DNAJC9: variants seen among roughly 807,000 people sequenced by gnomAD.
DNAJC9 encodes the protein dnaJ homolog subfamily C member 9.
DNAJC9 carries 18 observed loss-of-function variants against 32.4 expected under a neutral mutation model. The ratio of observed to expected loss-of-function variants is 0.56; its 90% confidence interval spans 0.38 to 0.82. The LOEUF (loss-of-function observed/expected upper bound fraction) is 0.82, where lower values mean the gene tolerates loss of function less well. DNAJC9 is among the 40% of genes least tolerant of loss of function. DNAJC9 has a pLI of 0.00. For missense variants in DNAJC9, 310 were observed against 321.8 expected, an observed-to-expected ratio of 0.96 and a Z score of 0.28; for synonymous variants, 113 against 122.1, an observed-to-expected ratio of 0.93 and a Z score of 0.49.
chr10:73,246,230 G>T (rs959173003), intron 2 of DNAJC9, 54 bp from the exon 3 acceptor site: 1 of 1,563,246 alleles, frequency 6.4e-7, no homozygotes, highest in Non-Finnish European at 8.6e-7. Flanking sequence ...TAAATAAAAC[G>T]TACGTTAGTA....
chr10:73,235,613 T>TAATAAGCAGA (rs1182302354), downstream of DNAJC9: 4 of 389,712 alleles, frequency 1.0e-5, no homozygotes, highest in East Asian at 3.0e-4. Flanking sequence ...TAAGCATAAC[T>TAATAAGCAGA]TTATTATGTA....
downstream of DNAJC9, chr10:73,241,840 A>C (rs987416880): frequency 5.9e-5 from 9 of 152,240 alleles, no homozygotes; most frequent in African/African-American, 2.2e-4. Flanking sequence ...TAAAAGTTTA[A>C]GAAACCCTGG....
downstream of DNAJC9, among the ~76,000 whole-genome samples, chr10:73,239,692 A>T (rs1295029289): frequency 1.4e-4 from 21 of 151,756 alleles, no homozygotes; most frequent in Non-Finnish European, 1.5e-5. Context: ...AACCCAAATT[A>T]GTCCTTGTTG....
At chr10:73,240,514 C>CAT (rs2043919714), downstream of DNAJC9, among the ~76,000 whole-genome samples, 1 of 152,112 alleles carries the variant, frequency 6.6e-6, no homozygotes, top group Non-Finnish European at 1.5e-5. Flanking sequence ...ATATTGAGAC[C>CAT]ATCCTGGCTA....
chr10:73,245,221 GTC>G (rs1225248060), intron 3 of DNAJC9, among the ~76,000 whole-genome samples: 1 of 152,040 alleles, frequency 6.6e-6, no homozygotes, highest in Admixed American at 6.6e-5. Flanking sequence ...CTCTGCCAGC[GTC>G]TCTTATGTAA....
chr10:73,239,082 A>G, downstream of DNAJC9: 1 of 452,388 alleles, frequency 2.2e-6, no homozygotes, highest in Non-Finnish European at 4.0e-6. Context: ...TTAACGGCAT[A>G]GTAATAATAT....
intron 2 of DNAJC9, 38 bp downstream of exon 2, chr10:73,246,650 A>G (rs200588545): frequency 1.5e-4 from 247 of 1,609,232 alleles, no homozygotes; most frequent in Non-Finnish European, 2.0e-4. Context: ...TGATTGAATG[A>G]TGGTAACAGT....
At chr10:73,240,562 A>G (rs1047188671), downstream of DNAJC9, among the ~76,000 whole-genome samples, 2 of 152,084 alleles carry the variant, frequency 1.3e-5, no homozygotes, top group African/African-American at 2.4e-5. Flanking sequence ...AATACAAAAA[A>G]TTAGCCGGGT....
At position 73,247,103 on chromosome 10, in the gene DNAJC9, G is replaced by A; in HGVS notation, c.87C>T (p.Gly29=). 1.9e-6 allele frequency: 3 copies of A among 1,594,686 alleles called. No individual in the cohort carries two copies. Among genetic ancestry groups the A allele is most frequent in the Non-Finnish European group, 2.6e-6 (3 of 1,171,506 alleles). The change falls in exon 1 of 5, where the codon GGC becomes GGT. Residue 29 remains glycine, a synonymous_variant. Coordinates refer to ENST00000372950, the MANE Select transcript of DNAJC9 (RefSeq NM_015190.5). The part of the protein sequence containing the change: ...VLGVRREASD[G]EVRRGYHKVS... ...CCTTGTGGTAGCCTCGTCGGACCTCGCCGTCGGAGGCCTCGCGTCGCACGC... is the reference window on the plus strand; with the variant it reads ...CCTTGTGGTAGCCTCGTCGGACCTCACCGTCGGAGGCCTCGCGTCGCACGC...
intron 3 of DNAJC9, among the ~76,000 whole-genome samples, chr10:73,245,494 A>ATT: frequency 6.6e-6 from 1 of 152,146 alleles, no homozygotes; most frequent in South Asian, 2.1e-4. Flanking sequence ...CCAACTCAAG[A>ATT]ATCAAATTCG....
downstream of DNAJC9, among the ~76,000 whole-genome samples, chr10:73,238,611 T>C (rs931469273): frequency 1.2e-4 from 18 of 152,234 alleles, no homozygotes; most frequent in African/African-American, 3.9e-4. Flanking sequence ...AAGCCTAATA[T>C]AATAACTATC....
downstream of DNAJC9, chr10:73,238,863 T>C (rs1470822851): frequency 6.5e-6 from 1 of 152,802 alleles, no homozygotes. Context: ...AATATTTGCA[T>C]TTCATAATGC....
downstream of DNAJC9, chr10:73,239,413 C>T (rs2043894453): frequency 6.6e-7 from 1 of 1,522,870 alleles, no homozygotes; most frequent in Non-Finnish European, 8.9e-7. Context: ...CCCTTATTTA[C>T]TACTGTGTGG....
chr10:73,239,417 T>C (rs1461849992), downstream of DNAJC9: 7 of 1,495,944 alleles, frequency 4.7e-6, no homozygotes, highest in Non-Finnish European at 6.4e-6. Flanking sequence ...TATTTACTAC[T>C]GTGTGGTTGT....
At chr10:73,240,467 CT>C (rs1483685189), downstream of DNAJC9, among the ~76,000 whole-genome samples, 2 of 152,090 alleles carry the variant, frequency 1.3e-5, no homozygotes, top group Non-Finnish European at 2.9e-5. Flanking sequence ...AATCCCAGCA[CT>C]TTCGGAGGCC....
At chr10:73,239,641 T>C (rs759076974), downstream of DNAJC9, among the ~76,000 whole-genome samples, 9 of 151,278 alleles carry the variant, frequency 5.9e-5, no homozygotes, top group Non-Finnish European at 1.3e-4. Context: ...CTCACTACTT[T>C]GGTAAACTGC....
In DNAJC9 at chr10:73,233,084, ACTCTTCATCCGATCAGCACGAG is replaced by A. The variant is rs2043746876; in HGVS notation, n.147+10737_147+10758del. On this transcript the variant is annotated intron_variant and non_coding_transcript_variant, in intron 2 of 2. Coordinates refer to the DNAJC9 transcript ENST00000469143. The stretch of plus-strand genomic sequence containing the variant: ...CAGGAGACGCAATCCACCACCACGA[ACTCTTCATCCGATCAGCACGAG>A]CCATTCATGTGCTGAAACACCAAGA... The A allele has an allele frequency of 1.9e-6, 3 of 1,551,302 alleles. No homozygotes were observed. In the African/African-American group the frequency reaches 4.1e-5, roughly 21 times the overall value.
intron 1 of DNAJC9, 43 bp from the exon 2 acceptor site, chr10:73,246,871 C>T (rs185451104): frequency 1.2e-6 from 2 of 1,610,230 alleles, no homozygotes; most frequent in East Asian, 4.5e-5. Context: ...GCTCCTCCCA[C>T]CGAAACGGCG....
Position 73,243,297 on chromosome 10 carries a change from CT to C in DNAJC9, c.*102del. Reference sequence around the variant, plus strand: ...TGAAAAATTCAGGCTGGAAAGACACCTTTTCTCAAGAGCTGAATTGACTTTT... The same window carrying C: ...TGAAAAATTCAGGCTGGAAAGACACCTTTCTCAAGAGCTGAATTGACTTTT... On this transcript the variant is annotated 3_prime_UTR_variant, in exon 5 of 5. Coordinates refer to ENST00000372950, the MANE Select transcript of DNAJC9 (RefSeq NM_015190.5). The C allele has an allele frequency of 2.2e-6, 3 of 1,363,242 alleles. No homozygotes were observed. The highest frequency in any genetic ancestry group is 3.0e-6 in the Non-Finnish European group (3 of 990,332). The allele number at this position is 1,363,242 out of a possible 1,614,324, so 84.4% of individuals were successfully genotyped here.
Sources: allele counts gnomAD v4.1 joint callset (sites outside exome capture counted in the v4.1 genomes callset), GRCh38; gene constraint gnomAD v4.1.1; transcripts MANE v1.5; gene names NCBI Gene and HGNC (gene_info 2026-07-23, HGNC 2026-07-21).